The following RHD variants were observed in gnomAD, a reference collection of about 807,000 sequenced individuals.
RHD encodes Rh blood group D antigen, also known as blood group Rh(D) polypeptide.
A neutral mutation model predicts 45.5 loss-of-function variants in RHD; 16 were observed. That is an observed-to-expected ratio of 0.35 (90% CI 0.24 to 0.53). The LOEUF (loss-of-function observed/expected upper bound fraction) is 0.53. RHD is among the 20% of genes least tolerant of loss of function. RHD has a pLI of 0.92. For missense variants in RHD, 306 were observed against 532.0 expected (o/e 0.58, Z 4.18); for synonymous variants, 131 against 217.5 (o/e 0.60, Z 3.50).
intron 1 of RHD, among the ~76,000 whole-genome samples, chr1:25,276,557 T>TAAAAAAAAAAAAAAAAAAAAAAAAA (rs1641013640): frequency 1.3e-5 from 1 of 77,534 alleles, no homozygotes; most frequent in African/African-American, 7.6e-5. Flanking sequence ...AAAAAAAAAC[T>TAAAAAAAAAAAAAAAAAAAAAAAAA]TTAAAATTTA....
intron 7 of RHD, among the ~76,000 whole-genome samples, chr1:25,309,167 A>G (rs1644008492): frequency 7.6e-6 from 1 of 132,110 alleles, no homozygotes; most frequent in African/African-American, 2.6e-5. Context: ...TATTCAGATG[A>G]GCATATGTGA....
At position 25,321,942 on chromosome 1, in the gene RHD, G is replaced by T; in HGVS notation, c.1207G>T (p.Asp403Tyr). ...AGCACCTCATGAGGCTAAATATTTT[G>T]ATGACCAAGTTTTCTGGAAGGTAAG... ...WKAPHEAKYF[D>Y]DQVFWKFPHL... The change falls in exon 9 of 10, where the codon GAT becomes TAT. Residue 403 changes from aspartate (D) to tyrosine (Y), a missense_variant. Coordinates refer to ENST00000328664, the MANE Select transcript of RHD (RefSeq NM_016124.6). 1.5e-6 allele frequency: 2 copies of T among 1,333,124 alleles called. 1 individual carries two copies. Among genetic ancestry groups the T allele is most frequent in the Non-Finnish European group, 2.1e-6 (2 of 938,184 alleles). The allele number at this position is 1,333,124 out of a possible 1,614,324, so 82.6% of individuals were successfully genotyped here. A position where few individuals can be genotyped will look rare whatever the true frequency, so the allele number is the denominator to read the frequency against.
intron 7 of RHD, among the ~76,000 whole-genome samples, chr1:25,313,484 C>T (rs1335251108): frequency 7.5e-6 from 1 of 132,794 alleles, no homozygotes; most frequent in East Asian, 1.9e-4. Context: ...TTAAGCATTG[C>T]TGTACCCTTT....
At chr1:25,288,566 T>C (rs2124635787) in intron 2 of RHD, among the ~76,000 whole-genome samples, 1 of 126,254 alleles carries the variant, frequency 7.9e-6, no homozygotes, top group South Asian at 2.4e-4. Context: ...TTTATTGTGC[T>C]TGACGTATAT....
At chr1:25,275,262 TGGGTGACAGAGTG>T (rs1640862705) in intron 1 of RHD, among the ~76,000 whole-genome samples, 2 of 132,326 alleles carry the variant, frequency 1.5e-5, no homozygotes, top group South Asian at 4.7e-4. Flanking sequence ...CACTCCACCC[TGGGTGACAGAGTG>T]GGACTCTGTC....
In RHD at chr1:25,273,170, C is replaced by G. The variant is rs528323840; in HGVS notation, c.148+475C>G. ...TTTCTTTTTGAGGCAGGGTCTCACT[C>G]TGTTGCCCAGGCTGAAGTGCAGTGG... On this transcript the variant is annotated intron_variant, in intron 1 of 9. Coordinates refer to ENST00000328664, the MANE Select transcript of RHD (RefSeq NM_016124.6). Among the ~76,000 whole-genome samples, 2 of 130,506 alleles carry G rather than the reference C, an allele frequency of 1.5e-5. 1 individual carries two copies. Among genetic ancestry groups the G allele is most frequent in the South Asian group, 4.7e-4 (2 of 4,234 alleles). The allele number at this position is 130,506 out of a possible 152,430, so 85.6% of individuals were successfully genotyped here.
At position 25,314,102 on chromosome 1, in the gene RHD, T is replaced by A; in HGVS notation, c.1074-2898T>A. Reference sequence around the variant, plus strand: ...AATGCACTTCTGTTGATTATATGCCTAGAAGTGAAATTGTTGAATTATACA... The same window carrying A: ...AATGCACTTCTGTTGATTATATGCCAAGAAGTGAAATTGTTGAATTATACA... On this transcript the variant is annotated intron_variant, in intron 7 of 9. Transcript: ENST00000328664. 1.5e-5 allele frequency among the ~76,000 whole-genome samples: 2 copies of A among 132,998 alleles called. 1 individual carries two copies. Among genetic ancestry groups the A allele is most frequent in the African/African-American group, 5.1e-5 (2 of 39,006 alleles). 87.3% of individuals were successfully genotyped at this position (132,998 alleles called of 152,430 possible). A position where few individuals can be genotyped will look rare whatever the true frequency, so the allele number is the denominator to read the frequency against.
In RHD at chr1:25,301,903, G is replaced by A. The variant is rs549316544; in HGVS notation, c.801+217G>A. 4.6e-5 allele frequency among the ~76,000 whole-genome samples: 6 copies of A among 131,212 alleles called. 1 individual carries two copies. In the South Asian group the frequency reaches 1.2e-3, roughly 25 times the overall value. 86.1% of individuals were successfully genotyped at this position (131,212 alleles called of 152,430 possible). A position where few individuals can be genotyped will look rare whatever the true frequency, so the allele number is the denominator to read the frequency against. On this transcript the variant is annotated intron_variant, in intron 5 of 9. Transcript: ENST00000328664. Reference sequence around the variant, plus strand: ...GTCCAGTGATCAAAGGCTTTCTGGGGGTAGTGATTAAATCCATCCATGCTA... The same window carrying A: ...GTCCAGTGATCAAAGGCTTTCTGGGAGTAGTGATTAAATCCATCCATGCTA...
In RHD at chr1:25,315,090, G is replaced by A. The variant is rs377048563; in HGVS notation, c.1074-1910G>A. Among the ~76,000 whole-genome samples, 27 of 128,404 alleles carry A rather than the reference G, an allele frequency of 2.1e-4. 3 individuals are homozygous for A. The South Asian group carries it at 6.0e-3, about 29-fold the overall frequency. The allele number at this position is 128,404 out of a possible 152,430, so 84.2% of individuals were successfully genotyped here. A position where few individuals can be genotyped will look rare whatever the true frequency, so the allele number is the denominator to read the frequency against. On this transcript the variant is annotated intron_variant, in intron 7 of 9. Transcript: ENST00000328664. The stretch of plus-strand genomic sequence containing the variant: ...GTTGTGGCTCTTGCCTGTAGTCTCA[G>A]CTACTCGGGAGGCTGAGATCACGCC...
chr1:25,301,670 A>T lies in RHD; in HGVS notation c.785A>T (p.Gln262Leu). The change falls in exon 5 of 10, where the codon CAA becomes CTA. Residue 262 changes from glutamine (Q) to leucine (L), a missense_variant. Physicochemically the swap from Gln to Leu is moderately radical, Grantham distance 113 (BLOSUM62 -2). Transcript: ENST00000328664. ...TCAGGGTCATCCTTGGCTCACCCCC[A>T]AGGGAAGATCAGCAAGGTGAGCAGG... ...AISGSSLAHP[Q>L]GKISKTYVHS... The T allele has an allele frequency of 7.2e-7, 1 of 1,379,810 alleles. No homozygotes were observed. Among genetic ancestry groups the T allele is most frequent in the Non-Finnish European group, 1.0e-6 (1 of 978,862 alleles). 85.5% of individuals were successfully genotyped at this position (1,379,810 alleles called of 1,614,324 possible).
chr1:25,274,805 G>A lies in RHD; in HGVS notation c.148+2110G>A, dbSNP rs145815732. On this transcript the variant is annotated intron_variant, in intron 1 of 9. Transcript: ENST00000328664. Reference sequence around the variant, plus strand: ...GAGAATCACCTGAGGTTAGGAGTTCGAGACCAGCCTGGCCAACATGGCAAA... The same window carrying A: ...GAGAATCACCTGAGGTTAGGAGTTCAAGACCAGCCTGGCCAACATGGCAAA... 1.8e-4 allele frequency among the ~76,000 whole-genome samples: 24 copies of A among 133,670 alleles called. 5 individuals are homozygous for A. The highest frequency in any genetic ancestry group is 3.6e-4 in the African/African-American group (14 of 39,292). 87.7% of individuals were successfully genotyped at this position (133,670 alleles called of 152,430 possible). A position where few individuals can be genotyped will look rare whatever the true frequency, so the allele number is the denominator to read the frequency against.
At chr1:25,295,891 T>G (rs1363759390) in intron 3 of RHD, among the ~76,000 whole-genome samples, 1 of 106,528 alleles carries the variant, frequency 9.4e-6, no homozygotes, top group African/African-American at 3.3e-5. Flanking sequence ...AGATGGAGTT[T>G]CGCTGTTGTC....
chr1:25,303,393 G>A lies in RHD; in HGVS notation c.873G>A (p.Pro291=), dbSNP rs757342691. The A allele has an allele frequency of 1.3e-5, 18 of 1,378,668 alleles. 4 individuals carry two copies. The highest frequency in any genetic ancestry group is 7.1e-5 in the African/African-American group (5 of 70,254). The allele number at this position is 1,378,668 out of a possible 1,614,324, so 85.4% of individuals were successfully genotyped here. A position where few individuals can be genotyped will look rare whatever the true frequency, so the allele number is the denominator to read the frequency against. Residue 291 remains proline, a synonymous_variant, in exon 6 of 10, where the codon CCG becomes CCA. Transcript: ENST00000328664. ...CCTCGTGTCACCTGATCCCTTCTCC[G>A]TGGCTTGCCATGGTGCTGGGTCTTG... is the stretch of plus-strand genomic sequence containing the variant. ...VGTSCHLIPS[P]WLAMVLGLVA...
rs185767739 is a variant in RHD, at chr1:25,320,656, A to G, written c.1154-1233A>G. Reference sequence around the variant, plus strand: ...GGAGCATTTCCTTGCTTCCTGTGAAAGGAAGCACTCATTCCATGTGTCCTG... The same window carrying G: ...GGAGCATTTCCTTGCTTCCTGTGAAGGGAAGCACTCATTCCATGTGTCCTG... On this transcript the variant is annotated intron_variant, in intron 8 of 9. Coordinates refer to ENST00000328664, the MANE Select transcript of RHD (RefSeq NM_016124.6). Among the ~76,000 whole-genome samples the G allele has an allele frequency of 9.1e-5, 12 of 132,506 alleles. 1 individual carries two copies. The East Asian group carries it at 2.3e-3, about 26-fold the overall frequency. 86.9% of individuals were successfully genotyped at this position (132,506 alleles called of 152,430 possible).
rs1236068097 is a variant in RHD, at chr1:25,283,513, G to A, written c.149-1060G>A. 4.8e-5 allele frequency among the ~76,000 whole-genome samples: 6 copies of A among 125,038 alleles called. 2 individuals are homozygous for A. The highest frequency in any genetic ancestry group is 9.2e-5 in the Non-Finnish European group (5 of 54,552). 82.0% of individuals were successfully genotyped at this position (125,038 alleles called of 152,430 possible). A position where few individuals can be genotyped will look rare whatever the true frequency, so the allele number is the denominator to read the frequency against. On this transcript the variant is annotated intron_variant, in intron 1 of 9. Transcript: ENST00000328664. ...GCCACTGTACTCCAGCCTGGGTGAC[G>A]AGTGAAACTCTATCTCGATATTAAA...
intron 7 of RHD, among the ~76,000 whole-genome samples, chr1:25,315,501 CTT>C (rs1189263980): frequency 3.5e-5 from 4 of 114,094 alleles, no homozygotes; most frequent in Admixed American, 8.5e-5. Context: ...TTCTTTCTTT[CTT>C]TTTTTTTTTT....
chr1:25,300,712 G>C (rs1643317706), intron 3 of RHD, among the ~76,000 whole-genome samples: 1 of 131,770 alleles, frequency 7.6e-6, no homozygotes, highest in Non-Finnish European at 1.8e-5. Flanking sequence ...GGGAAGCTGA[G>C]GCAGGAGAAT....
rs1396926357 is a variant in RHD at position 25,275,146 on chromosome 1, C to T, written c.148+2451C>T. Among the ~76,000 whole-genome samples, 27 of 131,070 alleles carry T rather than the reference C, an allele frequency of 2.1e-4. 5 individuals are homozygous for T. Among genetic ancestry groups the T allele is most frequent in the Non-Finnish European group, 2.9e-4 (16 of 55,376 alleles). 86.0% of individuals were successfully genotyped at this position (131,070 alleles called of 152,430 possible). On this transcript the variant is annotated intron_variant, in intron 1 of 9. Transcript: ENST00000328664. ...CTCTACTAAAAATACAAAAATTAGC[C>T]GGATGTGGTGGCACGTGCCTGTAGT...
chr1:25,300,981 G>C lies in RHD; in HGVS notation c.522G>C (p.Val174=), dbSNP rs1339460795. ...DYHMNMMHIY[V]FAAYFGLSVA... Reference sequence around the variant, plus strand: ...ACATGAACATGATGCACATCTACGTGTTCGCAGCCTATTTTGGGCTGTCTG... The same window carrying C: ...ACATGAACATGATGCACATCTACGTCTTCGCAGCCTATTTTGGGCTGTCTG... The change falls in exon 4 of 10, where the codon GTG becomes GTC. Residue 174 remains valine, a synonymous_variant. Transcript: ENST00000328664. 1 of 1,374,988 alleles carries C rather than the reference G, an allele frequency of 7.3e-7. No individual in the cohort carries two copies. Among genetic ancestry groups the C allele is most frequent in the Admixed American group, 1.8e-5 (1 of 56,056 alleles). 85.2% of individuals were successfully genotyped at this position (1,374,988 alleles called of 1,614,324 possible).
Sources: gnomAD v4.1 joint callset for allele counts (sites outside exome capture counted in the v4.1 genomes callset) on GRCh38, gnomAD v4.1.1 for gene constraint, MANE v1.5 for transcripts, NCBI Gene and HGNC (gene_info 2026-07-23, HGNC 2026-07-21) for gene names.